Variants in EIF3H observed in about 807,000 individuals in gnomAD.
The protein encoded by EIF3H is eIF-3-gamma.
EIF3H carries 26 observed loss-of-function variants against 44.2 expected under a neutral mutation model. The ratio of observed to expected loss-of-function variants is 0.59; its 90% CI spans 0.43 to 0.82. The LOEUF (loss-of-function observed/expected upper bound fraction) is 0.82. EIF3H is among the 40% of genes least tolerant of loss of function. The pLI is 0.00. For missense variants in EIF3H, 359 were observed against 432.8 expected, an observed-to-expected ratio of 0.83 and a Z score of 1.51; for synonymous variants, 166 against 151.9, an observed-to-expected ratio of 1.09 and a Z score of -0.68.
At chr8:116,646,645 C>G (rs1468320091) in intron 6 of EIF3H, 42 bp from the exon 7 acceptor site, 2 of 1,603,524 alleles carry the variant, frequency 1.2e-6, no homozygotes, top group Non-Finnish European at 1.7e-6. Flanking sequence ...TTTTCTCCAT[C>G]TGAGGAGGAA....
intron 2 of EIF3H, among the ~76,000 whole-genome samples, chr8:116,690,269 CA>C (rs1346319634): frequency 6.6e-6 from 1 of 151,820 alleles, no homozygotes; most frequent in African/African-American, 2.4e-5. Flanking sequence ...GAAAATACAG[CA>C]ATATAAAACT....
chr8:116,708,601 T>G (rs555785122), intron 2 of EIF3H, among the ~76,000 whole-genome samples: 2 of 152,262 alleles, frequency 1.3e-5, no homozygotes, highest in South Asian at 4.1e-4. Flanking sequence ...TTAAATTCTG[T>G]GATTAGTGTA....
At chr8:116,704,616 T>A (rs1814436508) in intron 2 of EIF3H, among the ~76,000 whole-genome samples, 1 of 152,174 alleles carries the variant, frequency 6.6e-6, no homozygotes, top group Non-Finnish European at 1.5e-5. Context: ...AAGAGTAAGG[T>A]TAATCGACAA....
At chr8:116,649,009 C>A in intron 5 of EIF3H, 83 bp from the exon 6 acceptor site, 1 of 1,218,720 alleles carries the variant, frequency 8.2e-7, no homozygotes, top group South Asian at 2.0e-5. Flanking sequence ...AAGATATGAA[C>A]TTGAACTGGC....
chr8:116,714,272 C>T (rs1365684885), intron 2 of EIF3H, among the ~76,000 whole-genome samples: 1 of 152,074 alleles, frequency 6.6e-6, no homozygotes, highest in Non-Finnish European at 1.5e-5. Flanking sequence ...TTGCAACTGA[C>T]ATCTATCTAT....
chr8:116,719,462 G>A (rs1288023427), intron 2 of EIF3H, among the ~76,000 whole-genome samples: 2 of 152,096 alleles, frequency 1.3e-5, no homozygotes, highest in African/African-American at 4.8e-5. Context: ...AAACTTAAAT[G>A]GAGAGAATGT....
chr8:116,727,282 A>C (rs1814859928), intron 1 of EIF3H, among the ~76,000 whole-genome samples: 1 of 152,196 alleles, frequency 6.6e-6, no homozygotes, highest in African/African-American at 2.4e-5. Flanking sequence ...AACGAAGCTA[A>C]AAAAAGGCAG....
chr8:116,752,214 T>C (rs561000126), intron 1 of EIF3H, among the ~76,000 whole-genome samples: 1 of 152,308 alleles, frequency 6.6e-6, no homozygotes, highest in African/African-American at 2.4e-5. Context: ...TGAGAAAATG[T>C]ACCTTTGGAG....
intron 1 of EIF3H, among the ~76,000 whole-genome samples, chr8:116,742,862 A>G (rs1815154394): frequency 6.6e-6 from 1 of 152,186 alleles, no homozygotes; most frequent in Non-Finnish European, 1.5e-5. Flanking sequence ...TGCCATATGC[A>G]TGTATTATCC....
chr8:116,722,771 G>A (rs1050706711), intron 2 of EIF3H, among the ~76,000 whole-genome samples: 3 of 151,908 alleles, frequency 2.0e-5, no homozygotes, highest in African/African-American at 4.8e-5. Flanking sequence ...ATCTACTCTC[G>A]CGAAGTCTAC....
intron 5 of EIF3H, 30 bp downstream of exon 5, chr8:116,655,826 A>G (rs1400431457): frequency 4.4e-6 from 7 of 1,607,992 alleles, no homozygotes; most frequent in Non-Finnish European, 5.1e-6. Context: ...GTTCTAAAAC[A>G]TGGGCTTTTC....
intron 4 of EIF3H, among the ~76,000 whole-genome samples, chr8:116,656,886 C>T (rs1241938333): frequency 2.6e-5 from 4 of 152,268 alleles, no homozygotes; most frequent in African/African-American, 9.6e-5. Context: ...AGCTCACAAC[C>T]AGTCTGACAC....
chr8:116,673,156 ATT>A (rs1185362638), intron 2 of EIF3H, among the ~76,000 whole-genome samples: 1 of 152,052 alleles, frequency 6.6e-6, no homozygotes, highest in Non-Finnish European at 1.5e-5. Flanking sequence ...TATTTTCTCA[ATT>A]TTTACTAAAT....
At chr8:116,712,426 A>C (rs960549653) in intron 2 of EIF3H, among the ~76,000 whole-genome samples, 3 of 152,206 alleles carry the variant, frequency 2.0e-5, no homozygotes, top group African/African-American at 7.2e-5. Flanking sequence ...AAAACAGTAA[A>C]TATGTATATA....
intron 2 of EIF3H, among the ~76,000 whole-genome samples, chr8:116,664,003 C>T (rs951055959): frequency 1.3e-5 from 2 of 151,254 alleles, no homozygotes; most frequent in Admixed American, 1.3e-4. Context: ...CAAAAAGCCA[C>T]ACTTGGATGC....
intron 3 of EIF3H, 62 bp downstream of exon 3, chr8:116,658,751 C>T (rs1023194895): frequency 6.5e-7 from 1 of 1,549,854 alleles, no homozygotes; most frequent in East Asian, 2.3e-5. Flanking sequence ...GCAAAAAGGA[C>T]AGAAAGCAAA....
At chr8:116,737,255 A>G (rs1755376100) in intron 1 of EIF3H, 2 of 449,240 alleles carry the variant, frequency 4.5e-6, no homozygotes, top group Admixed American at 2.4e-5. Context: ...ATCATCAGCA[A>G]TATTTTCTAT....
rs912867164 is a variant in EIF3H, at chr8:116,724,501, T to C, written c.289+1515A>G. 7.2e-5 allele frequency among the ~76,000 whole-genome samples: 11 copies of C among 151,932 alleles called. No homozygotes were observed. The East Asian group carries it at 2.1e-3, about 29-fold the overall frequency. ...TGCCCAGCAAAGGAAACAATCAACC[T>C]AGTAAAAAGGCAACTTACAAAATGG... On this transcript the variant is annotated intron_variant, in intron 2 of 7. Transcript: ENST00000521861.
At chr8:116,747,558 C>T (rs186823684) in intron 1 of EIF3H, among the ~76,000 whole-genome samples, 1 of 152,286 alleles carries the variant, frequency 6.6e-6, no homozygotes, top group Admixed American at 6.5e-5. Context: ...TGTCAAACAA[C>T]TTACGTATGC....
Sources: allele counts gnomAD v4.1 joint callset (sites outside exome capture counted in the v4.1 genomes callset), GRCh38; gene constraint gnomAD v4.1.1; transcripts MANE v1.5; gene names NCBI Gene and HGNC (gene_info 2026-07-23, HGNC 2026-07-21).